Variants in EXT1 observed in about 807,000 individuals in gnomAD.
The protein encoded by EXT1 is exostosin-1.
Under a neutral mutation model 82.5 loss-of-function variants are expected in EXT1, and 20 were observed. The observed-to-expected ratio is 0.24, with a 90% CI of 0.17 to 0.35. EXT1 has a LOEUF of 0.35. Among genes scored for constraint, EXT1 ranks in the 10% least tolerant of loss-of-function variants. The probability of loss-of-function intolerance (pLI) is 1.00; values close to 1 mark genes in which losing one functional copy is unlikely to be tolerated. For missense variants in EXT1, 757 were observed against 936.5 expected (o/e 0.81, Z 2.50); for synonymous variants, 348 against 350.8 (o/e 0.99, Z 0.09).
At chr8:118,039,466 G>A (rs955275608) in intron 1 of EXT1, among the ~76,000 whole-genome samples, 1 of 150,194 alleles carries the variant, frequency 6.7e-6, no homozygotes, top group Non-Finnish European at 1.5e-5. Flanking sequence ...AGGCTGACTC[G>A]GAAGAATCGC....
chr8:118,022,494 C>T (rs1318579119), intron 1 of EXT1, among the ~76,000 whole-genome samples: 4 of 151,412 alleles, frequency 2.6e-5, no homozygotes, highest in East Asian at 1.9e-4. Context: ...CATGCCACCA[C>T]GCCCAGCTAA....
intron 10 of EXT1, among the ~76,000 whole-genome samples, chr8:117,801,393 T>A (rs1273757016): frequency 6.6e-6 from 1 of 152,208 alleles, no homozygotes; most frequent in Non-Finnish European, 1.5e-5. Context: ...GAACTCTACT[T>A]GATAAATCAG....
At chr8:117,882,348 G>A (rs1441462071) in intron 1 of EXT1, among the ~76,000 whole-genome samples, 2 of 152,166 alleles carry the variant, frequency 1.3e-5, no homozygotes, top group East Asian at 3.9e-4. Flanking sequence ...CTCCCAAAGT[G>A]CTGGGATTAC....
chr8:117,834,430 T>A (rs1264205070), intron 3 of EXT1, among the ~76,000 whole-genome samples: 1 of 151,898 alleles, frequency 6.6e-6, no homozygotes, highest in Non-Finnish European at 1.5e-5. Context: ...CATGGTGAAA[T>A]CCCATCTCTA....
rs552199521 is a variant in EXT1, at chr8:118,058,458, A to G, written c.962+51627T>C. ...GCAATAGGCAGACGAGTTAAGTATC[A>G]GGATTTCTTACTTATCCTAACACCT... On this transcript the variant is annotated intron_variant, in intron 1 of 10. Transcript: ENST00000378204. Among the ~76,000 whole-genome samples, 118 of 152,324 alleles carry G rather than the reference A, an allele frequency of 7.7e-4. 1 individual carries two copies. Among genetic ancestry groups the G allele is most frequent in the African/African-American group, 2.7e-3 (112 of 41,580 alleles).
At chr8:118,036,234 T>A (rs1816416911) in intron 1 of EXT1, among the ~76,000 whole-genome samples, 1 of 152,166 alleles carries the variant, frequency 6.6e-6, no homozygotes, top group Non-Finnish European at 1.5e-5. Context: ...CCATATGATC[T>A]TCCCACCGTA....
At chr8:118,070,531 C>T (rs2468135) in intron 1 of EXT1, among the ~76,000 whole-genome samples, 27,586 of 152,082 alleles carry the variant, frequency 0.18, 2,967 homozygotes, top group East Asian at 0.47. Context: ...CTGAAAATAA[C>T]TGATTTAGGG....
chr8:118,110,492 G>C lies in EXT1; in HGVS notation c.555C>G (p.Asn185Lys). 1 of 1,614,098 alleles carries C rather than the reference G, an allele frequency of 6.2e-7. No homozygotes were observed. Among genetic ancestry groups the C allele is most frequent in the Non-Finnish European group, 8.5e-7 (1 of 1,180,026 alleles). The change falls in exon 1 of 11, where the codon AAC becomes AAG. Residue 185 changes from asparagine to lysine, a missense_variant. Asn to Lys is a moderately conservative substitution (Grantham distance 94). This residue lies in a region of EXT1 where 247 missense variants were observed against 330.1 expected (regional missense o/e 0.75). Coordinates refer to ENST00000378204, the MANE Select transcript of EXT1 (RefSeq NM_000127.3). ...TAAAAATTAAATGATTCCTACCATT[G>C]TTCCACAAGTGGAGACTCTGCACTT... The part of the protein sequence containing the change: ...RSKVQSLHLW[N>K]NGRNHLIFNL...
intron 1 of EXT1, among the ~76,000 whole-genome samples, chr8:117,897,604 T>TC (rs1813366505): frequency 7.0e-6 from 1 of 142,028 alleles, no homozygotes; most frequent in Non-Finnish European, 1.5e-5. Flanking sequence ...TTTTTTTTTT[T>TC]TTTTTTTTGA....
At chr8:118,109,233 A>G (rs1342086771) in intron 1 of EXT1, among the ~76,000 whole-genome samples, 1 of 152,180 alleles carries the variant, frequency 6.6e-6, no homozygotes, top group Non-Finnish European at 1.5e-5. Context: ...ACAGAGGGTA[A>G]GGAGGCATCT....
intron 1 of EXT1, among the ~76,000 whole-genome samples, chr8:117,962,738 G>C (rs1158617087): frequency 6.6e-6 from 1 of 151,086 alleles, no homozygotes; most frequent in African/African-American, 2.4e-5. Flanking sequence ...AGGGAATGGG[G>C]AAAGACTCCA....
intron 1 of EXT1, among the ~76,000 whole-genome samples, chr8:117,959,545 A>T (rs1381978456): frequency 6.6e-6 from 1 of 152,032 alleles, no homozygotes; most frequent in Non-Finnish European, 1.5e-5. Flanking sequence ...CACCTGCTTG[A>T]GGCAGATGCT....
At chr8:117,898,589 T>C (rs1687102561) in intron 1 of EXT1, among the ~76,000 whole-genome samples, 1 of 152,222 alleles carries the variant, frequency 6.6e-6, no homozygotes, top group Non-Finnish European at 1.5e-5. Context: ...CACTGTTACT[T>C]TTCTAGGTTT....
chr8:117,902,981 C>G (rs770699466), intron 1 of EXT1, among the ~76,000 whole-genome samples: 2 of 152,190 alleles, frequency 1.3e-5, no homozygotes, highest in Non-Finnish European at 2.9e-5. Context: ...TTTTATTCCA[C>G]GGACAGGCAT....
intron 1 of EXT1, among the ~76,000 whole-genome samples, chr8:117,962,191 A>G (rs944710578): frequency 6.6e-6 from 1 of 152,202 alleles, no homozygotes; most frequent in Non-Finnish European, 1.5e-5. Context: ...TATGCTTCAG[A>G]CTACCCAGTG....
chr8:117,940,592 A>G (rs1343596837), intron 1 of EXT1, among the ~76,000 whole-genome samples: 1 of 152,200 alleles, frequency 6.6e-6, no homozygotes, highest in Admixed American at 6.5e-5. Flanking sequence ...CAAGAAACTC[A>G]TTAGTCTAGC....
chr8:118,092,634 G>T (rs554588270), intron 1 of EXT1, among the ~76,000 whole-genome samples: 12 of 152,322 alleles, frequency 7.9e-5, no homozygotes, highest in Non-Finnish European at 1.3e-4. Context: ...ATTATACAGG[G>T]CAAGAGAATA....
Position 117,868,731 on chromosome 8 carries a change from T to C in EXT1, c.963-31530A>G, listed in dbSNP as rs148287446. ...TCCCAAAGTGCTGGGATTAGAGGCA[T>C]GAGACAAGTCAGTGCCGGTAGTATC... On this transcript the variant is annotated intron_variant, in intron 1 of 10. Coordinates refer to ENST00000378204, the MANE Select transcript of EXT1 (RefSeq NM_000127.3). Among the ~76,000 whole-genome samples the C allele has an allele frequency of 3.6e-3, 552 of 152,260 alleles. 4 individuals are homozygous for C. Among genetic ancestry groups the C allele is most frequent in the African/African-American group, 0.013 (526 of 41,566 alleles).
At chr8:117,998,460 G>A (rs1815592976) in intron 1 of EXT1, among the ~76,000 whole-genome samples, 2 of 152,074 alleles carry the variant, frequency 1.3e-5, no homozygotes, top group Non-Finnish European at 2.9e-5. Flanking sequence ...ACAGGTATGT[G>A]CCACCAAGTC....
Sources: gnomAD v4.1 joint callset for allele counts (sites outside exome capture counted in the v4.1 genomes callset) on GRCh38, gnomAD v4.1.1 for gene constraint, gnomAD v4.1.1 regional missense constraint, MANE v1.5 for transcripts, NCBI Gene and HGNC (gene_info 2026-07-23, HGNC 2026-07-21) for gene names.